The following RGS6 variants were observed in gnomAD, a reference collection of about 807,000 sequenced individuals.
RGS6 encodes the protein regulator of G protein signaling 6.
A neutral mutation model predicts 78.5 loss-of-function variants in RGS6; 30 were observed. That is an observed-to-expected ratio of 0.38 (90% confidence interval 0.29 to 0.52). The LOEUF is 0.52. RGS6 is among the 20% of genes least tolerant of loss of function. The pLI is 0.85. For synonymous variants in RGS6, 206 were observed against 206.0 expected, an observed-to-expected ratio of 1.00 and a Z score of 0.00; for missense variants, 495 against 609.7, an observed-to-expected ratio of 0.81 and a Z score of 1.98.
At chr14:72,553,947 G>A (rs1048835360) in intron 17 of RGS6, among the ~76,000 whole-genome samples, 3 of 152,224 alleles carry the variant, frequency 2.0e-5, no homozygotes, top group African/African-American at 7.2e-5. Flanking sequence ...AGAGCCTGTA[G>A]GGAAATAAGG....
At chr14:72,046,209 T>G (rs2092822327) in intron 2 of RGS6, among the ~76,000 whole-genome samples, 1 of 151,712 alleles carries the variant, frequency 6.6e-6, no homozygotes, top group Admixed American at 6.6e-5. Flanking sequence ...GTTGGGTTTT[T>G]TTTTTTTTTT....
At chr14:72,354,985 G>A (rs930054569) in intron 3 of RGS6, among the ~76,000 whole-genome samples, 29 of 151,884 alleles carry the variant, frequency 1.9e-4, no homozygotes, top group African/African-American at 6.8e-4. Context: ...TGTTTAAGAT[G>A]TTTGTATCTA....
At chr14:72,547,453 G>A (rs2097425283) in intron 17 of RGS6, 1 of 814,512 alleles carries the variant, frequency 1.2e-6, no homozygotes, top group East Asian at 2.8e-5. Context: ...TTTTAAAATA[G>A]TGATGAGTGT....
the RGS6 span, among the ~76,000 whole-genome samples, chr14:71,883,409 G>A: frequency 2.0e-5 from 3 of 152,296 alleles, no homozygotes; most frequent in South Asian, 6.2e-4. Flanking sequence ...ATGAAAGCTA[G>A]CTAACCCCAC....
chr14:71,968,355 A>G (rs2093634742), intron 2 of RGS6, among the ~76,000 whole-genome samples: 2 of 152,202 alleles, frequency 1.3e-5, no homozygotes, highest in Non-Finnish European at 2.9e-5. Context: ...AAGTTTGAAA[A>G]GCACTTACTT....
the RGS6 span, among the ~76,000 whole-genome samples, chr14:72,616,378 A>T: frequency 6.6e-6 from 1 of 152,032 alleles, no homozygotes; most frequent in Non-Finnish European, 1.5e-5. Flanking sequence ...CCCCATGTAC[A>T]TCCCTCACCT....
chr14:72,487,633 G>C (rs999120428), intron 12 of RGS6, among the ~76,000 whole-genome samples: 1 of 152,182 alleles, frequency 6.6e-6, no homozygotes, highest in Non-Finnish European at 1.5e-5. Context: ...CAGATGGAAG[G>C]GGGCCACGAG....
At position 72,253,442 on chromosome 14, in the gene RGS6, A is replaced by T. The variant is rs545933886; in HGVS notation, c.85-98653A>T. On this transcript the variant is annotated intron_variant, in intron 2 of 17. Coordinates refer to ENST00000553525, the MANE Select transcript of RGS6 (RefSeq NM_001204424.2). ...CTGCCAACTTTTTCTTAAAGACCAG[A>T]TAGTAAATATTTTAGGCTTGTGGGC... is the stretch of plus-strand genomic sequence containing the variant. Among the ~76,000 whole-genome samples the T allele has an allele frequency of 4.1e-4, 62 of 152,358 alleles. 1 individual carries two copies. Among genetic ancestry groups the T allele is most frequent in the African/African-American group, 1.4e-3 (60 of 41,594 alleles).
intron 2 of RGS6, among the ~76,000 whole-genome samples, chr14:72,236,929 C>T (rs1567545560): frequency 6.6e-6 from 1 of 152,232 alleles, no homozygotes. Context: ...GGCATTCTTA[C>T]CACCCAGAAT....
At chr14:72,277,584 C>T (rs567193544) in intron 2 of RGS6, among the ~76,000 whole-genome samples, 208 of 150,362 alleles carry the variant, frequency 1.4e-3, no homozygotes, top group African/African-American at 4.8e-3. Context: ...TGACAGAGAG[C>T]GACTCCATCT....
intron 2 of RGS6, among the ~76,000 whole-genome samples, chr14:72,108,865 C>A (rs1000641020): frequency 6.6e-6 from 1 of 151,842 alleles, no homozygotes; most frequent in Non-Finnish European, 1.5e-5. Context: ...GATTTTGGAG[C>A]CAGTTTTCTT....
intron 2 of RGS6, among the ~76,000 whole-genome samples, chr14:72,305,648 T>C (rs2067069190): frequency 6.6e-6 from 1 of 152,242 alleles, no homozygotes; most frequent in African/African-American, 2.4e-5. Context: ...GTTGTATGTG[T>C]ACTGACTGTT....
chr14:71,912,754 T>C, the RGS6 span, among the ~76,000 whole-genome samples: 3 of 152,106 alleles, frequency 2.0e-5, no homozygotes, highest in African/African-American at 7.2e-5. Flanking sequence ...TAGCTGCAGA[T>C]CCCAAGCCAC....
chr14:71,908,733 G>C, the RGS6 span, among the ~76,000 whole-genome samples: 1 of 152,116 alleles, frequency 6.6e-6, no homozygotes, highest in Non-Finnish European at 1.5e-5. Context: ...TAAATGGGCA[G>C]CATAGGAGGG....
chr14:72,398,294 T>C (rs147693520), intron 3 of RGS6, among the ~76,000 whole-genome samples: 4,201 of 152,212 alleles, frequency 0.028, 202 homozygotes, highest in African/African-American at 0.096. Flanking sequence ...GTGTATGTGT[T>C]GAGGAATTTA....
chr14:72,336,180 A>G lies in RGS6; in HGVS notation c.85-15915A>G, dbSNP rs560260548. Among the ~76,000 whole-genome samples, 6 of 152,330 alleles carry G rather than the reference A, an allele frequency of 3.9e-5. No individual in the cohort carries two copies. In the South Asian group the frequency reaches 1.0e-3, roughly 26 times the overall value. On this transcript the variant is annotated intron_variant, in intron 2 of 17. Coordinates refer to ENST00000553525, the MANE Select transcript of RGS6 (RefSeq NM_001204424.2). Reference sequence around the variant, plus strand: ...TCAAATTGTGTGTTGTTCTAACTATATATCTATGCCATAAGTATAAGGGTT... The same window carrying G: ...TCAAATTGTGTGTTGTTCTAACTATGTATCTATGCCATAAGTATAAGGGTT...
At chr14:72,060,767 A>G (rs1162629184) in intron 2 of RGS6, among the ~76,000 whole-genome samples, 1 of 152,178 alleles carries the variant, frequency 6.6e-6, no homozygotes, top group Non-Finnish European at 1.5e-5. Flanking sequence ...GGCCCTGGCG[A>G]TGGGAGCTTT....
At chr14:72,266,510 T>G (rs2059094230) in intron 2 of RGS6, among the ~76,000 whole-genome samples, 1 of 152,172 alleles carries the variant, frequency 6.6e-6, no homozygotes, top group African/African-American at 2.4e-5. Context: ...GCCTCCTCCA[T>G]TCTCGAATGT....
chr14:72,208,066 CT>C (rs2153749666), intron 2 of RGS6, among the ~76,000 whole-genome samples: 1 of 152,288 alleles, frequency 6.6e-6, no homozygotes, highest in African/African-American at 2.4e-5. Context: ...ACCCTCTGCT[CT>C]AGGGGTTGCT....
Sources: allele counts gnomAD v4.1 joint callset (sites outside exome capture counted in the v4.1 genomes callset), GRCh38; gene constraint gnomAD v4.1.1; transcripts MANE v1.5; gene names NCBI Gene and HGNC (gene_info 2026-07-23, HGNC 2026-07-21).